CPPED1: variants seen among roughly 807,000 people sequenced by gnomAD.
The protein encoded by CPPED1 is calcineurin like phosphoesterase domain containing 1.
A neutral mutation model predicts 28.0 loss-of-function variants in CPPED1; 28 were observed. The observed-to-expected ratio is 1.00, with a 90% confidence interval of 0.74 to 1.37. The LOEUF is 1.37. CPPED1 is among the 40% of genes most tolerant of loss of function. CPPED1 has a pLI of 0.00. For synonymous variants in CPPED1, 198 were observed against 180.2 expected, an observed-to-expected ratio of 1.10 and a Z score of -0.79; for missense variants, 504 against 416.5, an observed-to-expected ratio of 1.21 and a Z score of -1.83.
intron 3 of CPPED1, among the ~76,000 whole-genome samples, chr16:12,680,045 GAC>G (rs1567273814): frequency 1.3e-5 from 2 of 152,080 alleles, no homozygotes; most frequent in Admixed American, 1.3e-4. Context: ...TACATAATAA[GAC>G]AACCTTTGTT....
intron 2 of CPPED1, among the ~76,000 whole-genome samples, chr16:12,767,641 A>G (rs539667105): frequency 6.6e-6 from 1 of 152,310 alleles, no homozygotes; most frequent in East Asian, 1.9e-4. Context: ...TGGAGCTCAC[A>G]CCCAGGTAAA....
At chr16:12,681,912 G>A (rs760239325) in intron 3 of CPPED1, among the ~76,000 whole-genome samples, 5 of 152,094 alleles carry the variant, frequency 3.3e-5, no homozygotes, top group East Asian at 1.9e-4. Flanking sequence ...TACTCTCCAG[G>A]GGCTAGAGGT....
At position 12,663,148 on chromosome 16, in the gene CPPED1, G is replaced by C. The variant is rs974578002; in HGVS notation, c.*1738C>G. The stretch of plus-strand genomic sequence containing the variant: ...ATGATCTTGGCTCACTGCAACCTCT[G>C]CCTCCTGAGTTCCAGCGATCTCCTG... On this transcript the variant is annotated 3_prime_UTR_variant, in exon 4 of 4. Transcript: ENST00000381774. The C allele has an allele frequency of 6.7e-6, 1 of 148,892 alleles. No individual in the cohort carries two copies. The highest frequency in any genetic ancestry group is 1.5e-5 in the Non-Finnish European group (1 of 67,748). The allele number at this position is 148,892 out of a possible 1,614,324, so 9.2% of individuals were successfully genotyped here.
At chr16:12,764,050 C>G (rs373524588) in intron 2 of CPPED1, among the ~76,000 whole-genome samples, 1 of 137,000 alleles carries the variant, frequency 7.3e-6, no homozygotes, top group Non-Finnish European at 1.6e-5. Flanking sequence ...TTTTTTTTTA[C>G]AAAAAGCTAC....
chr16:12,705,120 TA>T, intron 2 of CPPED1, 71 bp from the exon 3 acceptor site: 1 of 1,426,536 alleles, frequency 7.0e-7, no homozygotes, highest in Non-Finnish European at 9.5e-7. Flanking sequence ...CTTAAGTACT[TA>T]CTAACATAAA....
chr16:12,750,961 CTG>C (rs1388448973), intron 2 of CPPED1, among the ~76,000 whole-genome samples: 1 of 151,700 alleles, frequency 6.6e-6, no homozygotes, highest in South Asian at 2.1e-4. Flanking sequence ...GAGCAAGACT[CTG>C]TCTCAAAAAA....
intron 1 of CPPED1, among the ~76,000 whole-genome samples, chr16:12,800,512 C>A (rs557444850): frequency 1.2e-4 from 19 of 152,126 alleles, no homozygotes; most frequent in African/African-American, 4.6e-4. Flanking sequence ...CAGCTTCCAA[C>A]TGGATTGCAT....
At chr16:12,699,132 C>A (rs1257008229) in intron 3 of CPPED1, among the ~76,000 whole-genome samples, 1 of 152,158 alleles carries the variant, frequency 6.6e-6, no homozygotes, top group Admixed American at 6.5e-5. Context: ...TATCTACTAT[C>A]TGTCTTTGCT....
intron 2 of CPPED1, among the ~76,000 whole-genome samples, chr16:12,710,209 T>A (rs1256710395): frequency 6.6e-6 from 1 of 152,148 alleles, no homozygotes; most frequent in African/African-American, 2.4e-5. Flanking sequence ...TATTTCTACA[T>A]CCTAACATAA....
chr16:12,695,342 G>A (rs1275396915), intron 3 of CPPED1, among the ~76,000 whole-genome samples: 1 of 152,102 alleles, frequency 6.6e-6, no homozygotes, highest in Non-Finnish European at 1.5e-5. Flanking sequence ...ACAGCTCACT[G>A]CAGACTTGGC....
chr16:12,666,217 A>T (rs2079825103), intron 3 of CPPED1, among the ~76,000 whole-genome samples: 1 of 152,204 alleles, frequency 6.6e-6, no homozygotes, highest in African/African-American at 2.4e-5. Context: ...GCCGTAGTGG[A>T]TGAAACGTAA....
rs149240792 is a variant in CPPED1 at position 12,672,239 on chromosome 16, G to A, written c.716-7124C>T. 1.4e-3 allele frequency among the ~76,000 whole-genome samples: 213 copies of A among 152,306 alleles called. 1 individual carries two copies. Among genetic ancestry groups the A allele is most frequent in the African/African-American group, 3.4e-3 (143 of 41,572 alleles). On this transcript the variant is annotated intron_variant, in intron 3 of 3. Transcript: ENST00000381774. The stretch of plus-strand genomic sequence containing the variant: ...AAGGGGGCAATCTAGCAATACTGTC[G>A]CACATTTTACTGTACATTCCCTTGG...
chr16:12,766,256 T>TATATATATAG, intron 2 of CPPED1, among the ~76,000 whole-genome samples: 8 of 134,292 alleles, frequency 6.0e-5, no homozygotes, highest in African/African-American at 1.0e-4. Context: ...TATATATATA[T>TATATATATAG]AGAGAGAGAG....
In CPPED1 at chr16:12,781,317, C is replaced by G; in HGVS notation, c.157G>C (p.Asp53His). ...FGLIKAWSTG[D>H]CDNGGDEWEQ... ...CATTCGTCACCGCCATTGTCACAGT[C>G]CCCAGTGGACCAGGCCTTGATCAGC... Residue 53 changes from aspartate to histidine, a missense_variant, in exon 2 of 4, where the codon GAC (aspartate) becomes CAC (histidine). Transcript: ENST00000381774. 1 of 1,614,126 alleles carries G rather than the reference C, an allele frequency of 6.2e-7. No homozygotes were observed. The highest frequency in any genetic ancestry group is 8.5e-7 in the Non-Finnish European group (1 of 1,180,030).
intron 2 of CPPED1, among the ~76,000 whole-genome samples, chr16:12,705,930 T>C (rs2080047855): frequency 6.6e-6 from 1 of 152,230 alleles, no homozygotes; most frequent in Admixed American, 6.5e-5. Flanking sequence ...TGATGTATAT[T>C]TGTTTCTGAG....
In CPPED1 at chr16:12,700,894, G is replaced by C. The variant is rs191718999; in HGVS notation, c.715+3730C>G. Among the ~76,000 whole-genome samples, 19 of 152,248 alleles carry C rather than the reference G, an allele frequency of 1.2e-4. No individual in the cohort carries two copies. In the East Asian group the frequency reaches 3.7e-3, roughly 29 times the overall value. On this transcript the variant is annotated intron_variant, in intron 3 of 3. Transcript: ENST00000381774. Reference sequence around the variant, plus strand: ...GGGATAAGAGAAGCTGAAGAACCTGGGGTGGGGAGGAGGGGAGAGCCTTAT... The same window carrying C: ...GGGATAAGAGAAGCTGAAGAACCTGCGGTGGGGAGGAGGGGAGAGCCTTAT...
intron 2 of CPPED1, among the ~76,000 whole-genome samples, chr16:12,770,898 G>A (rs1402368526): frequency 2.7e-5 from 4 of 150,172 alleles, no homozygotes; most frequent in African/African-American, 7.4e-5. Context: ...GGGGAGGGGC[G>A]GGGCGGGGCT....
At chr16:12,766,815 G>A (rs1035404755) in intron 2 of CPPED1, among the ~76,000 whole-genome samples, 2 of 152,168 alleles carry the variant, frequency 1.3e-5, no homozygotes, top group Non-Finnish European at 2.9e-5. Flanking sequence ...AAGCACAGGA[G>A]GTAGGCTCTA....
intron 3 of CPPED1, among the ~76,000 whole-genome samples, chr16:12,700,203 G>C (rs1464656969): frequency 6.6e-6 from 1 of 152,206 alleles, no homozygotes; most frequent in Non-Finnish European, 1.5e-5. Flanking sequence ...AGCAGGTTTA[G>C]GTGAAGACCC....
Sources: gnomAD v4.1 joint callset for allele counts (sites outside exome capture counted in the v4.1 genomes callset) on GRCh38, gnomAD v4.1.1 for gene constraint, MANE v1.5 for transcripts, NCBI Gene and HGNC (gene_info 2026-07-23, HGNC 2026-07-21) for gene names.